Variants in GAB3 observed in about 807,000 individuals in gnomAD.
The protein encoded by GAB3 is GRB2-associated-binding protein 3.
A neutral mutation model predicts 40.4 loss-of-function variants in GAB3; 12 were observed. The ratio of observed to expected loss-of-function variants is 0.30; its 90% CI spans 0.19 to 0.48. The LOEUF (loss-of-function observed/expected upper bound fraction) is 0.48. GAB3 is among the 20% of genes least tolerant of loss of function. GAB3 has a pLI of 0.99. For missense variants in GAB3, 381 were observed against 461.9 expected (o/e 0.82, Z 1.61); for synonymous variants, 154 against 176.7 (o/e 0.87, Z 1.02).
intron 4 of GAB3, among the ~76,000 whole-genome samples, chrX:154,706,942 AAAG>A (rs1422240143): frequency 4.6e-5 from 5 of 108,840 alleles, no homozygotes; most frequent in African/African-American, 1.3e-4. Context: ...AAAAAATTAG[AAAG>A]AACAAAGCTG....
chrX:154,716,029 C>T lies in GAB3; in HGVS notation c.373G>A (p.Ala125Thr), dbSNP rs367756591. Residue 125 changes from alanine to threonine, a missense_variant, in exon 2 of 10, where the codon GCA (alanine) becomes ACA (threonine). Physicochemically the swap from Ala to Thr is moderately conservative, Grantham distance 58. Transcript: ENST00000424127. ...GGAGCCCCAACTCCGCTCTTACCTG[C>T]ACCATCCTCCAGGTGGCCAAGGTTG... The part of the protein sequence containing the change: ...VCNLGHLEDG[A>T]ADSMESLSYT... 14 of 1,207,393 alleles carry T rather than the reference C, an allele frequency of 1.2e-5. No individual in the cohort carries two copies. The highest frequency in any genetic ancestry group is 1.6e-5 in the Non-Finnish European group (14 of 892,423).
At chrX:154,686,824 T>C (rs1355799413) in intron 8 of GAB3, among the ~76,000 whole-genome samples, 1 of 110,889 alleles carries the variant, frequency 9.0e-6, no homozygotes, top group Non-Finnish European at 1.9e-5. Context: ...TACTTAGATA[T>C]AAATCTAATA....
intron 9 of GAB3, 70 bp downstream of exon 9, chrX:154,680,062 T>C: frequency 1.4e-6 from 1 of 720,518 alleles, no homozygotes; most frequent in Non-Finnish European, 2.2e-6. Flanking sequence ...ATATGCATGG[T>C]TTGATAATCA....
At chrX:154,704,750 A>T (rs1290924202) in intron 4 of GAB3, among the ~76,000 whole-genome samples, 3 of 111,577 alleles carry the variant, frequency 2.7e-5, no homozygotes, top group African/African-American at 9.8e-5. Flanking sequence ...CTGAAAAAGG[A>T]GGCATTACAA....
At chrX:154,678,380 T>G in intron 9 of GAB3, 86 bp from the exon 10 acceptor site, 1 of 546,163 alleles carries the variant, frequency 1.8e-6, no homozygotes, top group South Asian at 2.9e-5. Context: ...AATTGTTAAA[T>G]ATTTGTTGCC....
chrX:154,709,870 C>G (rs1411213240), intron 4 of GAB3, among the ~76,000 whole-genome samples: 1 of 111,565 alleles, frequency 9.0e-6, no homozygotes, highest in African/African-American at 3.3e-5. Context: ...CACGATTTCA[C>G]TTATATGTGG....
chrX:154,697,360 C>T, intron 6 of GAB3, 147 bp from the exon 7 acceptor site: 2 of 390,234 alleles, frequency 5.1e-6, no homozygotes, highest in Middle Eastern at 3.8e-4. Context: ...TCCTCCTCTT[C>T]CCTGCCTCAC....
chrX:154,711,688 T>G (rs113383554), intron 4 of GAB3, among the ~76,000 whole-genome samples: 1 of 112,203 alleles, frequency 8.9e-6, no homozygotes, highest in Non-Finnish European at 1.9e-5. Flanking sequence ...AGTGATGGTC[T>G]GTGGTCTCAG....
chrX:154,676,201 A>C lies in GAB3; in HGVS notation c.*1977T>G, dbSNP rs1004856386. 1 of 111,442 alleles carries C rather than the reference A, an allele frequency of 9.0e-6. No homozygotes were observed. The highest frequency in any genetic ancestry group is 1.9e-5 in the Non-Finnish European group (1 of 52,942). 9.2% of individuals were successfully genotyped at this position (111,442 alleles called of 1,213,427 possible). ...TCAATGGAGTGACATTTCACTACTG[A>C]CATAATTTCAGCTATTCTTTTCTAT... On this transcript the variant is annotated 3_prime_UTR_variant, in exon 10 of 10. Transcript: ENST00000424127.
chrX:154,724,706 T>A (rs1456825733), intron 1 of GAB3, among the ~76,000 whole-genome samples: 1 of 112,661 alleles, frequency 8.9e-6, no homozygotes, highest in African/African-American at 3.2e-5. Flanking sequence ...TGTTAGTTTT[T>A]AAAAAATTGT....
intron 9 of GAB3, among the ~76,000 whole-genome samples, chrX:154,679,654 G>A (rs782222351): frequency 7.2e-5 from 8 of 111,677 alleles, no homozygotes; most frequent in African/African-American, 2.6e-4. Flanking sequence ...CTTGACATAA[G>A]TGTTGTCATT....
chrX:154,731,317 A>G (rs1487348728), intron 1 of GAB3, among the ~76,000 whole-genome samples: 1 of 111,972 alleles, frequency 8.9e-6, no homozygotes, highest in Non-Finnish European at 1.9e-5. Context: ...TAAGTGTCTG[A>G]GGTGCAGTGG....
chrX:154,751,423 C>T, upstream of GAB3: 1 of 528,395 alleles, frequency 1.9e-6, no homozygotes, highest in African/African-American at 2.5e-5. Flanking sequence ...TGCCCCATCC[C>T]CAATCCGCCA....
At chrX:154,708,173 G>T (rs2070844058) in intron 4 of GAB3, among the ~76,000 whole-genome samples, 1 of 111,556 alleles carries the variant, frequency 9.0e-6, no homozygotes, top group Non-Finnish European at 1.9e-5. Context: ...ATATCCACAC[G>T]CAAAAGAATG....
chrX:154,702,171 C>A (rs2070747476), intron 4 of GAB3, among the ~76,000 whole-genome samples: 1 of 111,903 alleles, frequency 8.9e-6, no homozygotes, highest in Non-Finnish European at 1.9e-5. Flanking sequence ...ACACATAGAC[C>A]AATGGAACAG....
intron 1 of GAB3, among the ~76,000 whole-genome samples, chrX:154,733,777 G>C (rs1262818442): frequency 1.8e-5 from 2 of 111,988 alleles, no homozygotes; most frequent in East Asian, 2.8e-4. Context: ...CGTTAAGTGA[G>C]ATTGATCTAC....
upstream of GAB3, among the ~76,000 whole-genome samples, chrX:154,751,258 A>C (rs2071612314): frequency 2.3e-5 from 2 of 86,483 alleles, no homozygotes; most frequent in African/African-American, 4.4e-5. Flanking sequence ...CCTTCGAGCA[A>C]CTGCAGCTCC....
rs782499282 is a variant in GAB3, at chrX:154,684,791, C to T, written c.1531-4543G>A. On this transcript the variant is annotated intron_variant, in intron 8 of 9. Transcript: ENST00000424127. ...CTCCACTAACATTTTATTATACTAA[C>T]CTGCTTGTAAGTCTTTGGGCTTGTG... Among the ~76,000 whole-genome samples the T allele has an allele frequency of 4.5e-5, 5 of 111,442 alleles. No homozygotes were observed. The South Asian group carries it at 1.1e-3, about 25-fold the overall frequency.
intron 4 of GAB3, among the ~76,000 whole-genome samples, chrX:154,710,403 ATGGTACAGTAATTAAGAGAGTGTGGCAC>A (rs1557255525): frequency 1.8e-5 from 2 of 111,859 alleles, no homozygotes; most frequent in African/African-American, 6.5e-5. Flanking sequence ...TTAAGACAGA[ATGGTACAGTAATTAAGAGAGTGTGGCAC>A]TGGTGCAAGC....
Sources: gnomAD v4.1 joint callset for allele counts (sites outside exome capture counted in the v4.1 genomes callset) on GRCh38, gnomAD v4.1.1 for gene constraint, MANE v1.5 for transcripts, NCBI Gene and HGNC (gene_info 2026-07-23, HGNC 2026-07-21) for gene names.